The following MAST4 variants were observed in gnomAD, a reference collection of about 807,000 sequenced individuals.
MAST4 encodes the protein microtubule-associated serine/threonine-protein kinase 4.
MAST4 carries 89 observed loss-of-function variants against 162.7 expected under a neutral mutation model. The observed-to-expected ratio is 0.55, with a 90% CI of 0.46 to 0.65. The LOEUF (loss-of-function observed/expected upper bound fraction) is 0.65. Ranked by LOEUF, MAST4 falls within the 30% of genes least tolerant of loss-of-function variation. The pLI, the probability that MAST4 is intolerant of heterozygous loss-of-function variation, is 0.00. For missense variants in MAST4, 3,153 were observed against 3,374.0 expected (o/e 0.93, Z 1.62); for synonymous variants, 1,479 against 1,361.1 (o/e 1.09, Z -1.91).
chr5:67,075,708 C>T (rs906572426), intron 5 of MAST4, among the ~76,000 whole-genome samples: 1 of 152,106 alleles, frequency 6.6e-6, no homozygotes, highest in Non-Finnish European at 1.5e-5. Context: ...TTTGCTGTAA[C>T]TATATGTCAT....
intron 1 of MAST4, among the ~76,000 whole-genome samples, chr5:66,751,042 A>G (rs1194036641): frequency 6.6e-6 from 1 of 152,082 alleles, no homozygotes; most frequent in Admixed American, 6.5e-5. Context: ...GCACACTGAC[A>G]TCTCACACGG....
rs553385207 is a variant in MAST4 at position 66,879,148 on chromosome 5, G to T, written c.643-20803G>T. Among the ~76,000 whole-genome samples, 391 of 152,088 alleles carry T rather than the reference G, an allele frequency of 2.6e-3. 2 individuals are homozygous for T. Among genetic ancestry groups the T allele is most frequent in the African/African-American group, 8.9e-3 (368 of 41,498 alleles). ...CAAAAAATTAGCTGGGCGTGGTGGC[G>T]GGTGCCTGTAGTTCCAGCTACTCGG... On this transcript the variant is annotated intron_variant, in intron 3 of 28. Transcript: ENST00000403625.
intron 3 of MAST4, among the ~76,000 whole-genome samples, chr5:66,845,126 T>TATATATATATATATATACAC (rs1358855625): frequency 1.0e-4 from 7 of 67,172 alleles, no homozygotes; most frequent in East Asian, 8.0e-4. Flanking sequence ...TATATATATA[T>TATATATATATATATATACAC]ACACACACAC....
chr5:66,883,748 T>C (rs1561412445), intron 3 of MAST4, among the ~76,000 whole-genome samples: 1 of 152,166 alleles, frequency 6.6e-6, no homozygotes, highest in Non-Finnish European at 1.5e-5. Flanking sequence ...ATGGACATGG[T>C]AACACTCCTT....
intron 16 of MAST4, among the ~76,000 whole-genome samples, 165 bp from the exon 17 acceptor site, chr5:67,133,349 T>C (rs1561698117): frequency 6.6e-6 from 1 of 152,186 alleles, no homozygotes; most frequent in East Asian, 1.9e-4. Context: ...GATGGAAGTA[T>C]TTGACATCTT....
chr5:66,933,323 A>G (rs1742371555), intron 4 of MAST4, among the ~76,000 whole-genome samples: 1 of 152,210 alleles, frequency 6.6e-6, no homozygotes, highest in Non-Finnish European at 1.5e-5. Flanking sequence ...AATTGCAGAT[A>G]CATGCATTTC....
At chr5:66,849,413 C>G (rs1343440273) in intron 3 of MAST4, among the ~76,000 whole-genome samples, 1 of 152,082 alleles carries the variant, frequency 6.6e-6, no homozygotes, top group Non-Finnish European at 1.5e-5. Flanking sequence ...GTCTATTCTC[C>G]CCTCCACCTC....
At position 67,164,182 on chromosome 5, in the gene MAST4, C is replaced by T; in HGVS notation, c.5003C>T (p.Ser1668Phe). ...SGKGEGTEKS[S>F]QAKELLRCEK... ...AAGGGGGAAGGCACGGAGAAGTCCT[C>T]CCAGGCCAAGGAGCTTCTCCGATGT... Residue 1668 changes from serine to phenylalanine, a missense_variant, in exon 29 of 29, where the codon TCC becomes TTC. Physicochemically the swap from Ser to Phe is radical, Grantham distance 155. Around this residue, in one of 7 missense-constraint regions of MAST4, gnomAD observed 1,644 missense variants for 1,495.0 expected, o/e 1.10. Coordinates refer to ENST00000403625, the MANE Select transcript of MAST4 (RefSeq NM_001164664.2). This position sits in a 1 kb window ranked among gnomAD's most constrained non-coding sequence, Gnocchi z 5.3. 6.2e-7 allele frequency: 1 copy of T among 1,611,604 alleles called. No homozygotes were observed. Among genetic ancestry groups the T allele is most frequent in the Non-Finnish European group, 8.5e-7 (1 of 1,178,892 alleles).
chr5:66,710,463 A>G (rs776885105), intron 1 of MAST4, among the ~76,000 whole-genome samples: 1 of 152,064 alleles, frequency 6.6e-6, no homozygotes, highest in Non-Finnish European at 1.5e-5. Flanking sequence ...TTCTCTTTTC[A>G]TCTTTCTTCC....
intron 2 of MAST4, among the ~76,000 whole-genome samples, chr5:66,768,520 GA>G (rs1754212686): frequency 6.6e-6 from 1 of 152,178 alleles, no homozygotes; most frequent in African/African-American, 2.4e-5. Flanking sequence ...TATGTTAAGT[GA>G]AAAAGTCAGT....
At position 67,145,203 on chromosome 5, in the gene MAST4, C is replaced by T. The variant is rs762852535; in HGVS notation, c.2918C>T (p.Ser973Phe). 2 of 1,613,454 alleles carry T rather than the reference C, an allele frequency of 1.2e-6. No individual in the cohort carries two copies. Among genetic ancestry groups the T allele is most frequent in the South Asian group, 1.1e-5 (1 of 90,878 alleles). The change falls in exon 23 of 29, where the codon TCT becomes TTT. Residue 973 changes from serine to phenylalanine, a missense_variant. This residue lies in a region of MAST4 where 619 missense variants were observed against 744.2 expected (regional missense o/e 0.83). Transcript: ENST00000403625. ...DTESNRHKLS[S>F]GLLPKLAIST... is the part of the protein sequence containing the mutation. Reference sequence around the variant, plus strand: ...GAAAGCAACAGACATAAACTCAGTTCTGGCCTACTTCCCAAACTGGCTATT... The same window carrying T: ...GAAAGCAACAGACATAAACTCAGTTTTGGCCTACTTCCCAAACTGGCTATT...
At chr5:67,135,558 T>C (rs976360093) in intron 18 of MAST4, among the ~76,000 whole-genome samples, 4 of 152,262 alleles carry the variant, frequency 2.6e-5, no homozygotes, top group Non-Finnish European at 4.4e-5. Flanking sequence ...CATTCTTTTC[T>C]ATCTTTGATT....
intron 1 of MAST4, among the ~76,000 whole-genome samples, chr5:66,625,296 T>C (rs1392366062): frequency 6.6e-6 from 1 of 152,180 alleles, no homozygotes; most frequent in Non-Finnish European, 1.5e-5. Context: ...CCTTCTGTGG[T>C]CTTTAAGCCT....
chr5:66,626,779 T>A (rs75738980), intron 1 of MAST4, among the ~76,000 whole-genome samples: 4,906 of 152,160 alleles, frequency 0.032, 249 homozygotes, highest in African/African-American at 0.11. Context: ...AGGGTTGAGA[T>A]TTCTGTTAAA....
intron 1 of MAST4, among the ~76,000 whole-genome samples, chr5:66,731,699 T>C (rs1218892121): frequency 6.6e-6 from 1 of 152,104 alleles, no homozygotes; most frequent in Non-Finnish European, 1.5e-5. Flanking sequence ...GTCTCCACTC[T>C]CATTTCTCTT....
At chr5:67,136,521 C>T (rs1483117773) in intron 18 of MAST4, 42 bp from the exon 19 acceptor site, 1 of 1,473,632 alleles carries the variant, frequency 6.8e-7, no homozygotes, top group Non-Finnish European at 9.3e-7. Context: ...CCTGGACCCT[C>T]TTGTGAACAA....
Position 67,164,634 on chromosome 5 carries a change from G to C in MAST4, c.5455G>C (p.Glu1819Gln), listed in dbSNP as rs986819820. Reference sequence around the variant, plus strand: ...GTCCGGACCTCAGGCCTCCAAGACAGAACTGCCTTCCCCAGAGTCTGCACA... The same window carrying C: ...GTCCGGACCTCAGGCCTCCAAGACACAACTGCCTTCCCCAGAGTCTGCACA... Reference protein sequence around the residue: ...LLSGPQASKTELPSPESAQSP... With the variant: ...LLSGPQASKTQLPSPESAQSP... Residue 1819 changes from glutamate to glutamine, a missense_variant, in exon 29 of 29, where the codon GAA becomes CAA. Transcript: ENST00000403625. The surrounding 1 kb of genome is among the most constrained non-coding windows in gnomAD (Gnocchi z 5.3). The C allele has an allele frequency of 4.3e-6, 7 of 1,613,900 alleles. No individual in the cohort carries two copies. Among genetic ancestry groups the C allele is most frequent in the Admixed American group, 3.3e-5 (2 of 60,010 alleles).
At chr5:66,656,224 A>G (rs1344509802) in intron 1 of MAST4, among the ~76,000 whole-genome samples, 1 of 152,218 alleles carries the variant, frequency 6.6e-6, no homozygotes, top group African/African-American at 2.4e-5. Flanking sequence ...TGACCACTGC[A>G]TGTCAAATAT....
chr5:67,017,545 A>G (rs767325779), intron 4 of MAST4, among the ~76,000 whole-genome samples: 10 of 152,110 alleles, frequency 6.6e-5, no homozygotes, highest in Non-Finnish European at 1.0e-4. Context: ...GTTTTAACAA[A>G]GTTATGTAGC....
Sources: allele counts gnomAD v4.1 joint callset (sites outside exome capture counted in the v4.1 genomes callset), GRCh38; gene constraint gnomAD v4.1.1; regional missense constraint gnomAD v4.1.1; non-coding constraint Gnocchi (gnomAD v3.1); transcripts MANE v1.5; gene names NCBI Gene and HGNC (gene_info 2026-07-23, HGNC 2026-07-21).